Variants in LRRC4C observed in about 807,000 individuals in gnomAD.
LRRC4C encodes the protein leucine rich repeat containing 4C.
In LRRC4C, 5 loss-of-function variants were observed where a neutral mutation model predicts 33.6. The ratio of observed to expected loss-of-function variants is 0.15; its 90% confidence interval spans 0.08 to 0.31. LRRC4C has a LOEUF of 0.31. LRRC4C is among the 10% of genes least tolerant of loss of function. LRRC4C has a pLI of 1.00. For missense variants in LRRC4C, 560 were observed against 796.7 expected (o/e 0.70, Z 3.58); for synonymous variants, 329 against 302.0 (o/e 1.09, Z -0.93).
In LRRC4C at chr11:40,976,912, T is replaced by C. The variant is rs543784210; in HGVS notation, c.-495-43189A>G. ...CAAGTACATTACATTAATTTTGCAC[T>C]GTATTTCTAATATTATTACATAGTA... On this transcript the variant is annotated intron_variant, in intron 1 of 6. Transcript: ENST00000528697. 2.6e-5 allele frequency among the ~76,000 whole-genome samples: 4 copies of C among 152,198 alleles called. 1 individual carries two copies. In the South Asian group the frequency reaches 8.3e-4, roughly 32 times the overall value.
In LRRC4C at chr11:41,173,624, A is replaced by G. The variant is rs757545036; in HGVS notation, c.-495-239901T>C. Among the ~76,000 whole-genome samples the G allele has an allele frequency of 1.5e-4, 23 of 152,116 alleles. 1 individual carries two copies. Among genetic ancestry groups the G allele is most frequent in the Non-Finnish European group, 7.4e-5 (5 of 67,992 alleles). On this transcript the variant is annotated intron_variant, in intron 1 of 6. Coordinates refer to ENST00000528697, the MANE Select transcript of LRRC4C (RefSeq NM_001258419.2). ...TCCAAGTCGAAAATCATTTTGGAGC[A>G]AAGAGCCTCTTGCTTTCTCAAGACA...
intron 4 of LRRC4C, among the ~76,000 whole-genome samples, chr11:40,276,558 TTC>T (rs1184803551): frequency 3.3e-5 from 5 of 152,118 alleles, no homozygotes; most frequent in African/African-American, 1.2e-4. Context: ...CAATATGCAT[TTC>T]TTTCTCCTTG....
At chr11:40,986,222 T>C (rs903692906) in intron 1 of LRRC4C, among the ~76,000 whole-genome samples, 2 of 152,074 alleles carry the variant, frequency 1.3e-5, no homozygotes, top group African/African-American at 4.8e-5. Flanking sequence ...CCCACTGTGA[T>C]TGGTGGAGTG....
chr11:40,124,164 G>C (rs1856032758), intron 6 of LRRC4C, among the ~76,000 whole-genome samples: 1 of 152,068 alleles, frequency 6.6e-6, no homozygotes, highest in Non-Finnish European at 1.5e-5. Context: ...TCCAAAAACA[G>C]TAACAAATGC....
chr11:41,318,814 C>A (rs1333790104), intron 1 of LRRC4C, among the ~76,000 whole-genome samples: 1 of 152,108 alleles, frequency 6.6e-6, no homozygotes, highest in Non-Finnish European at 1.5e-5. Flanking sequence ...AAAAAAAAAC[C>A]TGGTGAGATT....
At chr11:40,677,561 A>AT (rs1321420628) in intron 2 of LRRC4C, among the ~76,000 whole-genome samples, 1 of 152,154 alleles carries the variant, frequency 6.6e-6, no homozygotes, top group Non-Finnish European at 1.5e-5. Context: ...AACTAGAGAA[A>AT]TTTTTTAGTT....
At chr11:40,336,545 TC>T (rs1946611899) in intron 3 of LRRC4C, among the ~76,000 whole-genome samples, 1 of 152,166 alleles carries the variant, frequency 6.6e-6, no homozygotes, top group Non-Finnish European at 1.5e-5. Context: ...GGGAAAACTA[TC>T]CTCTACTGTA....
chr11:40,907,209 CT>C (rs1956462346), intron 2 of LRRC4C, among the ~76,000 whole-genome samples: 1 of 152,184 alleles, frequency 6.6e-6, no homozygotes, highest in African/African-American at 2.4e-5. Flanking sequence ...TGTAGAATGT[CT>C]TTCTTTTTTG....
intron 2 of LRRC4C, among the ~76,000 whole-genome samples, chr11:40,678,060 A>G (rs1451212085): frequency 6.6e-6 from 1 of 152,058 alleles, no homozygotes; most frequent in African/African-American, 2.4e-5. Flanking sequence ...AAATTCTGAG[A>G]TGCAAACCAC....
chr11:40,817,523 G>A (rs1951755758), intron 2 of LRRC4C, among the ~76,000 whole-genome samples: 1 of 152,066 alleles, frequency 6.6e-6, no homozygotes, highest in African/African-American at 2.4e-5. Flanking sequence ...AGGGTTGCAT[G>A]GTTTAGTGAG....
intron 3 of LRRC4C, among the ~76,000 whole-genome samples, chr11:40,554,462 T>C (rs1035265848): frequency 6.6e-6 from 1 of 152,178 alleles, no homozygotes; most frequent in African/African-American, 2.4e-5. Context: ...TGGTTCCCTA[T>C]GAATTTTAGA....
chr11:40,319,014 G>C (rs1204771153), intron 4 of LRRC4C, among the ~76,000 whole-genome samples: 1 of 152,090 alleles, frequency 6.6e-6, no homozygotes, highest in Non-Finnish European at 1.5e-5. Context: ...TGTGCTGTTA[G>C]GTTAAGAAAA....
intron 1 of LRRC4C, among the ~76,000 whole-genome samples, chr11:41,369,212 A>G (rs566222183): frequency 3.9e-5 from 6 of 152,356 alleles, no homozygotes; most frequent in African/African-American, 9.6e-5. Context: ...TAATTTTAGC[A>G]TAATGTAGAA....
chr11:41,021,212 A>AGTGT (rs1855956842), intron 1 of LRRC4C, among the ~76,000 whole-genome samples: 1 of 133,580 alleles, frequency 7.5e-6, no homozygotes, highest in African/African-American at 2.9e-5. Flanking sequence ...AGAGAGAGAG[A>AGTGT]GAGTGTGTGT....
At chr11:40,199,130 G>A (rs1862502422) in intron 5 of LRRC4C, among the ~76,000 whole-genome samples, 1 of 152,102 alleles carries the variant, frequency 6.6e-6, no homozygotes, top group South Asian at 2.1e-4. Context: ...GAGTTCAGTG[G>A]GGCAATCTTG....
intron 1 of LRRC4C, among the ~76,000 whole-genome samples, chr11:40,950,410 A>G (rs1419471218): frequency 6.6e-6 from 1 of 152,068 alleles, no homozygotes; most frequent in Non-Finnish European, 1.5e-5. Flanking sequence ...TATTTCCCTC[A>G]TATTCACAAT....
intron 2 of LRRC4C, among the ~76,000 whole-genome samples, chr11:40,808,985 T>A (rs1951367690): frequency 6.6e-6 from 1 of 152,168 alleles, no homozygotes; most frequent in South Asian, 2.1e-4. Context: ...CTCCTGGGAC[T>A]TAGCTTCAGC....
chr11:40,994,213 C>T (rs2137289371), intron 1 of LRRC4C, among the ~76,000 whole-genome samples: 1 of 152,210 alleles, frequency 6.6e-6, no homozygotes, highest in Admixed American at 6.5e-5. Flanking sequence ...TCATAAAATT[C>T]ATGAGTGCGC....
intron 3 of LRRC4C, among the ~76,000 whole-genome samples, chr11:40,404,510 A>G (rs912599230): frequency 1.2e-4 from 18 of 152,038 alleles, no homozygotes; most frequent in Admixed American, 9.8e-4. Flanking sequence ...ATTCTCCCAC[A>G]TGGATAATTC....
Sources: gnomAD v4.1 joint callset for allele counts (sites outside exome capture counted in the v4.1 genomes callset) on GRCh38, gnomAD v4.1.1 for gene constraint, MANE v1.5 for transcripts, NCBI Gene and HGNC (gene_info 2026-07-23, HGNC 2026-07-21) for gene names.